The following ABCB4 variants were observed in gnomAD, a reference collection of about 807,000 sequenced individuals.
The protein encoded by ABCB4 is ATP binding cassette subfamily B member 4.
ABCB4 carries 76 observed loss-of-function variants against 145.7 expected under a neutral mutation model. That is an observed-to-expected ratio of 0.52 (90% CI 0.43 to 0.63). The LOEUF (loss-of-function observed/expected upper bound fraction) is 0.63. Among genes scored for constraint, ABCB4 ranks in the 30% least tolerant of loss-of-function variants. ABCB4 has a pLI of 0.00. For synonymous variants in ABCB4, 517 were observed against 566.8 expected, an observed-to-expected ratio of 0.91 and a Z score of 1.25; for missense variants, 1,234 against 1,553.1, an observed-to-expected ratio of 0.79 and a Z score of 3.45.
chr7:87,369,024 T>G, the ABCB4 span, among the ~76,000 whole-genome samples: 2 of 152,248 alleles, frequency 1.3e-5, no homozygotes, highest in Non-Finnish European at 2.9e-5. Flanking sequence ...AGAAACCTGT[T>G]AATTCAAATG....
the ABCB4 span, among the ~76,000 whole-genome samples, chr7:87,390,303 T>C: frequency 6.6e-6 from 1 of 152,220 alleles, no homozygotes; most frequent in African/African-American, 2.4e-5. Flanking sequence ...AAAAGTTTAC[T>C]CCCTGAATTT....
At chr7:87,384,478 G>C in the ABCB4 span, among the ~76,000 whole-genome samples, 1 of 152,214 alleles carries the variant, frequency 6.6e-6, no homozygotes, top group African/African-American at 2.4e-5. Context: ...GTTGCAGTGA[G>C]CTGAGATCGT....
chr7:87,461,124 T>C (rs1812431220), intron 4 of ABCB4, among the ~76,000 whole-genome samples: 1 of 152,136 alleles, frequency 6.6e-6, no homozygotes, highest in South Asian at 2.1e-4. Context: ...TTTGTATTTT[T>C]AGTAGAGATG....
chr7:87,437,595 T>C (rs573435909), intron 14 of ABCB4, among the ~76,000 whole-genome samples: 1 of 152,242 alleles, frequency 6.6e-6, no homozygotes, highest in Non-Finnish European at 1.5e-5. Context: ...GTGTTTCATA[T>C]GTGCTAGGCA....
intron 9 of ABCB4, among the ~76,000 whole-genome samples, 191 bp downstream of exon 9, chr7:87,446,843 T>C (rs1052629148): frequency 1.3e-5 from 2 of 152,216 alleles, no homozygotes; most frequent in Non-Finnish European, 2.9e-5. Context: ...TATTTTCTTA[T>C]CCACACTCAT....
At chr7:87,398,560 C>G (rs144430034), downstream of ABCB4, 2 of 1,613,706 alleles carry the variant, frequency 1.2e-6, no homozygotes, top group Admixed American at 1.7e-5. Context: ...AATCCTGTCC[C>G]GAGACTGATG....
intron 3 of ABCB4, among the ~76,000 whole-genome samples, chr7:87,468,941 T>TAAAATAAAATAAAATAAAATA (rs1554416079): frequency 1.4e-5 from 2 of 138,934 alleles, no homozygotes; most frequent in Admixed American, 7.0e-5. Context: ...AAAAAATAAA[T>TAAAATAAAATAAAATAAAATA]AAATAAAATA....
At chr7:87,400,778 T>C (rs1235907384), downstream of ABCB4, among the ~76,000 whole-genome samples, 1 of 152,216 alleles carries the variant, frequency 6.6e-6, no homozygotes, top group African/African-American at 2.4e-5. Flanking sequence ...ATAATGCAAA[T>C]ATTCTGAAAT....
chr7:87,463,805 C>T (rs45491897), intron 3 of ABCB4, among the ~76,000 whole-genome samples: 1 of 152,170 alleles, frequency 6.6e-6, no homozygotes, highest in Non-Finnish European at 1.5e-5. Flanking sequence ...CAGTGAAGTG[C>T]ACAACCCTCA....
chr7:87,412,012 G>A lies in ABCB4; in HGVS notation c.2805C>T (p.His935=), dbSNP rs1808659363. The change falls in exon 23 of 28, where the codon CAC becomes CAT. Residue 935 remains histidine (H), a synonymous_variant. Transcript: ENST00000649586. ...GPYRNSVQKA[H]IYGITFSISQ... ...AGATACTAAAAGTAATTCCATAGAT[G>A]TGTGCCTTCTGCACAGAATTCCTGA... The A allele has an allele frequency of 1.2e-6, 2 of 1,613,850 alleles. No homozygotes were observed. The highest frequency in any genetic ancestry group is 1.7e-6 in the Non-Finnish European group (2 of 1,179,774).
chr7:87,382,566 T>A, the ABCB4 span: 1 of 1,602,008 alleles, frequency 6.2e-7, no homozygotes, highest in Non-Finnish European at 8.5e-7. Context: ...CAGTTTCTAT[T>A]TTCACAGTCT....
chr7:87,465,039 G>A (rs969157244), intron 3 of ABCB4, among the ~76,000 whole-genome samples: 2 of 152,178 alleles, frequency 1.3e-5, no homozygotes, highest in African/African-American at 4.8e-5. Flanking sequence ...CAGGACAGTA[G>A]GTGCAGCGCA....
the ABCB4 span, among the ~76,000 whole-genome samples, chr7:87,376,705 AG>A: frequency 6.6e-6 from 1 of 151,902 alleles, no homozygotes; most frequent in African/African-American, 2.4e-5. Flanking sequence ...TGTTGTTCAA[AG>A]TTTTTTGACC....
At chr7:87,419,200 A>T (rs1429925130) in intron 19 of ABCB4, among the ~76,000 whole-genome samples, 2 of 152,200 alleles carry the variant, frequency 1.3e-5, no homozygotes, top group Non-Finnish European at 2.9e-5. Flanking sequence ...CACATAAAAT[A>T]ATTTTTCCTG....
chr7:87,403,429 G>A, intron 26 of ABCB4, 148 bp from the exon 27 acceptor site: 2 of 695,162 alleles, frequency 2.9e-6, no homozygotes, highest in Non-Finnish European at 4.9e-6. Context: ...AATCAAACTA[G>A]AAAACTAGTG....
chr7:87,450,179 C>T, intron 7 of ABCB4, 87 bp from the exon 8 acceptor site: 2 of 1,541,858 alleles, frequency 1.3e-6, no homozygotes, highest in East Asian at 2.3e-5. Flanking sequence ...ACTTTTTCTT[C>T]CCAAACCCTC....
the ABCB4 span, among the ~76,000 whole-genome samples, chr7:87,372,016 A>G: frequency 6.6e-6 from 1 of 151,462 alleles, no homozygotes; most frequent in African/African-American, 2.4e-5. Flanking sequence ...ACAAAAAAAA[A>G]AAAACAAAAA....
chr7:87,383,319 A>G, the ABCB4 span, among the ~76,000 whole-genome samples: 1 of 151,916 alleles, frequency 6.6e-6, no homozygotes, highest in South Asian at 2.1e-4. Context: ...CTTCCACGAG[A>G]TCAATTTTTT....
intron 10 of ABCB4, 50 bp from the exon 11 acceptor site, chr7:87,443,823 G>T: frequency 7.0e-7 from 1 of 1,436,032 alleles, no homozygotes; most frequent in Non-Finnish European, 9.8e-7. Flanking sequence ...CAAACAAGTT[G>T]CATTTTTAAG....
Sources: gnomAD v4.1 joint callset for allele counts (sites outside exome capture counted in the v4.1 genomes callset) on GRCh38, gnomAD v4.1.1 for gene constraint, MANE v1.5 for transcripts, NCBI Gene and HGNC (gene_info 2026-07-23, HGNC 2026-07-21) for gene names.